The following CCSER1 variants were observed in gnomAD, a reference collection of about 807,000 sequenced individuals.
CCSER1 encodes the protein serine-rich coiled-coil domain-containing protein 1.
CCSER1 carries 41 observed loss-of-function variants against 82.0 expected under a neutral mutation model. The observed-to-expected ratio is 0.50, with a 90% CI of 0.39 to 0.65. CCSER1 has a LOEUF of 0.65. Ranked by LOEUF, CCSER1 falls within the 30% of genes least tolerant of loss-of-function variation. The pLI, the probability that CCSER1 is intolerant of heterozygous loss-of-function variation, is 0.00. For missense variants in CCSER1, 1,119 were observed against 1,064.2 expected, an observed-to-expected ratio of 1.05 and a Z score of -0.72; for synonymous variants, 414 against 383.9, an observed-to-expected ratio of 1.08 and a Z score of -0.92.
intron 10 of CCSER1, among the ~76,000 whole-genome samples, chr4:91,463,888 T>C (rs1465436682): frequency 6.6e-6 from 1 of 152,166 alleles, no homozygotes; most frequent in Admixed American, 6.5e-5. Context: ...TTGGTGTACC[T>C]GAAAGTAACA....
In CCSER1 at chr4:91,010,713, A is replaced by AT. The variant is rs1738940413; in HGVS notation, c.2173-75231dup. 1.5e-5 allele frequency among the ~76,000 whole-genome samples: 2 copies of AT among 133,000 alleles called. 1 individual carries two copies. Among genetic ancestry groups the AT allele is most frequent in the East Asian group, 4.8e-4 (2 of 4,126 alleles). 87.3% of individuals were successfully genotyped at this position (133,000 alleles called of 152,430 possible). A position where few individuals can be genotyped will look rare whatever the true frequency, so the allele number is the denominator to read the frequency against. On this transcript the variant is annotated intron_variant, in intron 9 of 10. Coordinates refer to ENST00000509176, the MANE Select transcript of CCSER1 (RefSeq NM_001145065.2). The stretch of plus-strand genomic sequence containing the variant: ...GTCTGCTGTTGAAGCTCTATATTGT[A>AT]TTTTTTCATTTCACTTGTTGAATTC...
At chr4:91,464,965 G>C (rs1183306622) in intron 10 of CCSER1, among the ~76,000 whole-genome samples, 1 of 152,074 alleles carries the variant, frequency 6.6e-6, no homozygotes, top group Admixed American at 6.6e-5. Flanking sequence ...AAGTGAACAA[G>C]GATATCCAGG....
intron 9 of CCSER1, among the ~76,000 whole-genome samples, chr4:90,943,548 G>C (rs554569447): frequency 1.3e-5 from 2 of 151,948 alleles, no homozygotes; most frequent in South Asian, 4.2e-4. Flanking sequence ...AAAAGGGAGA[G>C]AGACAGGAGG....
At chr4:91,597,194 CTG>C (rs1166700030) in intron 10 of CCSER1, among the ~76,000 whole-genome samples, 2 of 151,966 alleles carry the variant, frequency 1.3e-5, no homozygotes, top group African/African-American at 4.8e-5. Context: ...AAATCAAACT[CTG>C]TGCTACAATT....
At chr4:91,405,679 G>T (rs879350291) in intron 10 of CCSER1, among the ~76,000 whole-genome samples, 3 of 152,194 alleles carry the variant, frequency 2.0e-5, no homozygotes, top group South Asian at 4.1e-4. Flanking sequence ...TCCAATCTAA[G>T]CACAGGATAT....
At chr4:91,496,681 GAATATATATATATTC>G (rs202144352) in intron 10 of CCSER1, among the ~76,000 whole-genome samples, 293 of 13,008 alleles carry the variant, frequency 0.023, 73 homozygotes, top group East Asian at 0.13. Flanking sequence ...CAATATATTT[GAATATATATATATTC>G]AATATATATA....
At chr4:90,303,144 A>G (rs1487216774) in intron 1 of CCSER1, among the ~76,000 whole-genome samples, 1 of 152,178 alleles carries the variant, frequency 6.6e-6, no homozygotes, top group Non-Finnish European at 1.5e-5. Context: ...AGTATCTATG[A>G]TGTTTTTACT....
rs1422370955 is a variant in CCSER1 at position 91,598,983 on chromosome 4, A to T, written c.2629A>T (p.Ser877Cys). The T allele has an allele frequency of 6.4e-7, 1 of 1,551,556 alleles. No individual in the cohort carries two copies. Among genetic ancestry groups the T allele is most frequent in the South Asian group, 1.2e-5 (1 of 84,060 alleles). ...AGGGCCAATCTCTTTACACATGTAC[A>T]GCAGGAAGAATGTGTTTCTCCACCA... The part of the protein sequence containing the change: ...PRGPISLHMY[S>C]RKNVFLHHNL... Residue 877 changes from serine (S) to cysteine (C), a missense_variant, in exon 11 of 11, where the codon AGC becomes TGC. Transcript: ENST00000509176.
At chr4:91,305,320 A>C (rs1352979592) in intron 10 of CCSER1, among the ~76,000 whole-genome samples, 3 of 152,100 alleles carry the variant, frequency 2.0e-5, no homozygotes, top group Admixed American at 1.3e-4. Flanking sequence ...AAATGACTAT[A>C]ACAGTAAATG....
intron 4 of CCSER1, among the ~76,000 whole-genome samples, chr4:90,422,648 G>GAA (rs575094496): frequency 3.4e-5 from 5 of 148,858 alleles, no homozygotes; most frequent in Non-Finnish European, 7.5e-5. Flanking sequence ...TTCGAAAACA[G>GAA]AAAAAAAAAC....
intron 9 of CCSER1, among the ~76,000 whole-genome samples, chr4:90,995,178 G>A (rs919607527): frequency 2.0e-5 from 3 of 152,150 alleles, no homozygotes; most frequent in African/African-American, 7.2e-5. Flanking sequence ...TTCTTCAAGG[G>A]CAGAGAGTGA....
intron 1 of CCSER1, among the ~76,000 whole-genome samples, chr4:90,260,105 A>T (rs1724051245): frequency 1.3e-5 from 2 of 151,974 alleles, no homozygotes; most frequent in African/African-American, 2.4e-5. Flanking sequence ...ACTTCTTTTC[A>T]CTGGCAATTT....
intron 9 of CCSER1, among the ~76,000 whole-genome samples, chr4:91,040,759 A>C (rs1561493739): frequency 6.6e-6 from 1 of 152,222 alleles, no homozygotes; most frequent in Non-Finnish European, 1.5e-5. Context: ...GATAATTCAC[A>C]GAAGGACATA....
Position 90,932,998 on chromosome 4 carries a change from A to G in CCSER1, c.2172+9551A>G, listed in dbSNP as rs1207765962. Among the ~76,000 whole-genome samples, 57 of 72,026 alleles carry G rather than the reference A, an allele frequency of 7.9e-4. 10 individuals carry two copies. Among genetic ancestry groups the G allele is most frequent in the African/African-American group, 1.9e-3 (19 of 10,116 alleles). 47.3% of individuals were successfully genotyped at this position (72,026 alleles called of 152,430 possible). A position where few individuals can be genotyped will look rare whatever the true frequency, so the allele number is the denominator to read the frequency against. On this transcript the variant is annotated intron_variant, in intron 9 of 10. Transcript: ENST00000509176. ...AGAAAGAAAGAGAAAGAAAGAAAGA[A>G]AGAAAGAAAGAAAGAAAGAAAGAAA...
At chr4:90,476,513 C>T (rs192859872) in intron 5 of CCSER1, among the ~76,000 whole-genome samples, 1 of 152,220 alleles carries the variant, frequency 6.6e-6, no homozygotes, top group East Asian at 1.9e-4. Flanking sequence ...TTACTGGTAC[C>T]TTGTGAAAGG....
chr4:90,639,600 C>A (rs1481259994), intron 6 of CCSER1, among the ~76,000 whole-genome samples: 1 of 151,890 alleles, frequency 6.6e-6, no homozygotes, highest in Non-Finnish European at 1.5e-5. Flanking sequence ...GTCAATAGTA[C>A]CTGCTTGTGA....
intron 9 of CCSER1, among the ~76,000 whole-genome samples, chr4:91,004,210 A>G (rs1467259625): frequency 6.6e-6 from 1 of 152,120 alleles, no homozygotes; most frequent in Non-Finnish European, 1.5e-5. Context: ...TCTGTCTGCA[A>G]ATGAGCTGCA....
At chr4:91,209,679 T>C (rs527651148) in intron 10 of CCSER1, among the ~76,000 whole-genome samples, 2 of 151,988 alleles carry the variant, frequency 1.3e-5, no homozygotes, top group South Asian at 2.1e-4. Flanking sequence ...TTTTCTTTCT[T>C]TGTTGTGTCT....
At chr4:90,707,551 A>G (rs1739634702) in intron 6 of CCSER1, among the ~76,000 whole-genome samples, 1 of 150,590 alleles carries the variant, frequency 6.6e-6, no homozygotes, top group African/African-American at 2.4e-5. Flanking sequence ...ATATATATAT[A>G]TATATAATAT....
Sources: allele counts gnomAD v4.1 joint callset (sites outside exome capture counted in the v4.1 genomes callset), GRCh38; gene constraint gnomAD v4.1.1; transcripts MANE v1.5; gene names NCBI Gene and HGNC (gene_info 2026-07-23, HGNC 2026-07-21).